Variants in LRRC7 observed in about 807,000 individuals in gnomAD.
LRRC7 encodes leucine-rich repeat-containing protein 7.
LRRC7 carries 23 observed loss-of-function variants against 175.7 expected under a neutral mutation model. The ratio of observed to expected loss-of-function variants is 0.13; its 90% CI spans 0.09 to 0.19. The LOEUF (loss-of-function observed/expected upper bound fraction) is 0.19, where lower values mean the gene tolerates loss of function less well. Ranked by LOEUF, LRRC7 falls within the 10% of genes least tolerant of loss-of-function variation. LRRC7 has a pLI of 1.00. For missense variants in LRRC7, 1,354 were observed against 1,904.7 expected, an observed-to-expected ratio of 0.71 and a Z score of 5.38; for synonymous variants, 685 against 680.9, an observed-to-expected ratio of 1.01 and a Z score of -0.09.
intron 8 of LRRC7, among the ~76,000 whole-genome samples, chr1:69,933,000 C>T (rs1340794038): frequency 2.6e-5 from 4 of 152,228 alleles, no homozygotes; most frequent in African/African-American, 7.2e-5. Context: ...CATTGCTATA[C>T]TCAGCTCTCA....
chr1:70,138,673 T>C lies in LRRC7; in HGVS notation c.*16786T>C, dbSNP rs1287975506. ...CAATACCCTATGAGATTTTTTAAAC[T>C]ATTTTAGATTCTTACCAGAAGAATG... On this transcript the variant is annotated 3_prime_UTR_variant, in exon 27 of 27. Coordinates refer to ENST00000651989, the MANE Select transcript of LRRC7 (RefSeq NM_001370785.2). The C allele has an allele frequency of 6.6e-6, 1 of 152,222 alleles. No individual in the cohort carries two copies. The highest frequency in any genetic ancestry group is 1.5e-5 in the Non-Finnish European group (1 of 68,024). 9.4% of individuals were successfully genotyped at this position (152,222 alleles called of 1,614,324 possible).
In LRRC7 at chr1:69,626,871, G is replaced by A. The variant is rs575952239; in HGVS notation, c.3-51510G>A. On this transcript the variant is annotated intron_variant, in intron 1 of 26. Transcript: ENST00000651989. ...AGTTTGCTGAGAATGATGGTTTCCA[G>A]CTTCATCCATGTCCCCACAAAGGAC... Among the ~76,000 whole-genome samples the A allele has an allele frequency of 1.4e-3, 215 of 152,016 alleles. 1 individual carries two copies. The highest frequency in any genetic ancestry group is 5.1e-3 in the African/African-American group (211 of 41,460).
At chr1:69,947,935 T>C (rs1649515385) in intron 8 of LRRC7, among the ~76,000 whole-genome samples, 1 of 152,124 alleles carries the variant, frequency 6.6e-6, no homozygotes, top group Non-Finnish European at 1.5e-5. Context: ...TCCCCCTCTT[T>C]CTCTCTCTCA....
chr1:70,086,450 C>T (rs76375211), intron 24 of LRRC7, among the ~76,000 whole-genome samples: 5,382 of 152,220 alleles, frequency 0.035, 177 homozygotes, highest in East Asian at 0.14. Context: ...CATATGTTTT[C>T]GGCCAAACCA....
chr1:69,934,119 T>C (rs1427264389), intron 8 of LRRC7, among the ~76,000 whole-genome samples: 1 of 152,166 alleles, frequency 6.6e-6, no homozygotes, highest in East Asian at 1.9e-4. Context: ...TAAGAGATTT[T>C]GCTCTGATAA....
intron 3 of LRRC7, among the ~76,000 whole-genome samples, chr1:69,762,073 A>G (rs1432145809): frequency 1.3e-5 from 2 of 152,024 alleles, no homozygotes; most frequent in African/African-American, 4.8e-5. Context: ...TGTATGGGAT[A>G]CATTTACACT....
chr1:70,078,810 G>A (rs74085920), intron 24 of LRRC7, among the ~76,000 whole-genome samples: 4,383 of 141,272 alleles, frequency 0.031, 216 homozygotes, highest in African/African-American at 0.1. Context: ...GCGCGCGCGC[G>A]CACACACACA....
chr1:70,044,851 T>C (rs1228523191), intron 22 of LRRC7, among the ~76,000 whole-genome samples: 1 of 152,178 alleles, frequency 6.6e-6, no homozygotes, highest in Non-Finnish European at 1.5e-5. Context: ...TGGAAACCAA[T>C]GAGTCATTTT....
intron 1 of LRRC7, among the ~76,000 whole-genome samples, chr1:69,612,607 T>C (rs1245139733): frequency 6.6e-6 from 1 of 152,032 alleles, no homozygotes; most frequent in Non-Finnish European, 1.5e-5. Flanking sequence ...GGAATACCCA[T>C]AATGGTGAAG....
At chr1:70,091,238 A>G (rs960185313) in intron 25 of LRRC7, among the ~76,000 whole-genome samples, 5 of 152,146 alleles carry the variant, frequency 3.3e-5, no homozygotes, top group African/African-American at 1.2e-4. Context: ...CATGGCTTAG[A>G]CCAACTGTTT....
At chr1:69,830,505 A>G (rs964537577) in intron 5 of LRRC7, among the ~76,000 whole-genome samples, 7 of 151,896 alleles carry the variant, frequency 4.6e-5, no homozygotes, top group African/African-American at 1.7e-4. Flanking sequence ...TTTTCAAAGT[A>G]CAATAATGGA....
chr1:70,016,016 G>A (rs1656932589), intron 13 of LRRC7, among the ~76,000 whole-genome samples: 1 of 152,148 alleles, frequency 6.6e-6, no homozygotes, highest in South Asian at 2.1e-4. Flanking sequence ...CCAGATTGAG[G>A]GAAGTAATTT....
chr1:69,838,318 T>C lies in LRRC7; in HGVS notation c.647+35T>C, dbSNP rs781617715. ...TGTGTATTTTCTGAATTTTGAACTG[T>C]GATTTTTTTCACTAGTAAGAGAAAT... On this transcript the variant is annotated intron_variant, in intron 7 of 26. Transcript: ENST00000651989. The C allele has an allele frequency of 9.1e-6, 14 of 1,532,010 alleles. No individual in the cohort carries two copies. In the Admixed American group the frequency reaches 2.4e-4, roughly 26 times the overall value. 94.9% of individuals were successfully genotyped at this position (1,532,010 alleles called of 1,614,324 possible).
chr1:69,587,783 T>A (rs941036052), intron 1 of LRRC7, among the ~76,000 whole-genome samples: 3 of 152,124 alleles, frequency 2.0e-5, no homozygotes, highest in Non-Finnish European at 4.4e-5. Flanking sequence ...ATTATCTCTC[T>A]CTCCTGCTGC....
At chr1:70,067,410 A>G (rs1662058393) in intron 23 of LRRC7, among the ~76,000 whole-genome samples, 1 of 152,114 alleles carries the variant, frequency 6.6e-6, no homozygotes, top group Non-Finnish European at 1.5e-5. Context: ...TTGCATTTGC[A>G]TCTTTGTCTC....
chr1:69,630,261 C>T (rs7522998), intron 1 of LRRC7, among the ~76,000 whole-genome samples: 3,067 of 152,256 alleles, frequency 0.02, 106 homozygotes, highest in African/African-American at 0.069. Context: ...CCACTGCAAA[C>T]ATTCTTAAAA....
At chr1:69,926,984 G>C (rs577355263) in intron 7 of LRRC7, among the ~76,000 whole-genome samples, 103 of 152,240 alleles carry the variant, frequency 6.8e-4, no homozygotes, top group Non-Finnish European at 1.1e-3. Context: ...CCTTCAGGAG[G>C]TCTTTTAGGA....
chr1:70,006,697 C>T (rs1656024299), intron 11 of LRRC7, among the ~76,000 whole-genome samples: 1 of 152,058 alleles, frequency 6.6e-6, no homozygotes, highest in Non-Finnish European at 1.5e-5. Flanking sequence ...GGCTCAGTCC[C>T]ACAAAACTAT....
At chr1:69,712,088 A>G (rs12088673) in intron 2 of LRRC7, among the ~76,000 whole-genome samples, 15 of 152,290 alleles carry the variant, frequency 9.8e-5, no homozygotes, top group African/African-American at 3.1e-4. Flanking sequence ...GGCCCAAAGC[A>G]AGGAGCCTTT....
Sources: allele counts gnomAD v4.1 joint callset (sites outside exome capture counted in the v4.1 genomes callset), GRCh38; gene constraint gnomAD v4.1.1; transcripts MANE v1.5; gene names NCBI Gene and HGNC (gene_info 2026-07-23, HGNC 2026-07-21).